Variants in IL10RB observed in about 807,000 individuals in gnomAD.
IL10RB encodes the protein interleukin-10 receptor subunit beta.
Under a neutral mutation model 38.7 loss-of-function variants are expected in IL10RB, and 30 were observed. That is an observed-to-expected ratio of 0.78 (90% CI 0.58 to 1.05). The LOEUF (loss-of-function observed/expected upper bound fraction) is 1.05, where lower values mean the gene tolerates loss of function less well. IL10RB is among the 50% of genes least tolerant of loss of function. The probability of loss-of-function intolerance (pLI) is 0.00; values close to 1 mark genes in which losing one functional copy is unlikely to be tolerated. For synonymous variants in IL10RB, 142 were observed against 145.9 expected, an observed-to-expected ratio of 0.97 and a Z score of 0.19; for missense variants, 328 against 397.1, an observed-to-expected ratio of 0.83 and a Z score of 1.48.
chr21:33,273,419 T>A (rs941682480), intron 2 of IL10RB, among the ~76,000 whole-genome samples: 1 of 152,238 alleles, frequency 6.6e-6, no homozygotes, highest in Admixed American at 6.5e-5. Context: ...AGCTTAATTT[T>A]AAAATATTTA....
intron 3 of IL10RB, among the ~76,000 whole-genome samples, chr21:33,278,245 G>A (rs1256064845): frequency 6.6e-6 from 1 of 151,810 alleles, no homozygotes; most frequent in Non-Finnish European, 1.5e-5. Flanking sequence ...CTCTATATGG[G>A]GAGTGGTCTT....
In IL10RB at chr21:33,266,457, C is replaced by T; in HGVS notation, c.-9C>T. 1 of 1,541,410 alleles carries T rather than the reference C, an allele frequency of 6.5e-7. No individual in the cohort carries two copies. The highest frequency in any genetic ancestry group is 8.7e-7 in the Non-Finnish European group (1 of 1,146,662). The stretch of plus-strand genomic sequence containing the variant: ...TTGGAGGAAGCCGCGGAACCCCCAG[C>T]GTCCGTCCATGGCGTGGAGCCTTGG... On this transcript the variant is annotated 5_prime_UTR_variant, in exon 1 of 7. Coordinates refer to ENST00000290200, the MANE Select transcript of IL10RB (RefSeq NM_000628.5).
intron 2 of IL10RB, 28 bp downstream of exon 2, chr21:33,268,545 A>C (rs1426866327): frequency 1.9e-6 from 3 of 1,539,022 alleles, no homozygotes; most frequent in Non-Finnish European, 2.7e-6. Flanking sequence ...ATTGGCAGGA[A>C]CGCACCGGAG....
intron 3 of IL10RB, among the ~76,000 whole-genome samples, chr21:33,279,051 T>C (rs1989232373): frequency 6.6e-6 from 1 of 152,204 alleles, no homozygotes; most frequent in Admixed American, 6.5e-5. Flanking sequence ...TAATCAGGAA[T>C]ACAGATAATA....
intron 6 of IL10RB, among the ~76,000 whole-genome samples, chr21:33,290,401 A>C (rs1014547287): frequency 1.3e-5 from 2 of 152,218 alleles, no homozygotes; most frequent in Admixed American, 6.5e-5. Flanking sequence ...ATCATTTAAA[A>C]ATCCGAAAGC....
At chr21:33,280,634 T>C (rs1180599681) in intron 4 of IL10RB, among the ~76,000 whole-genome samples, 1 of 152,192 alleles carries the variant, frequency 6.6e-6, no homozygotes, top group Non-Finnish European at 1.5e-5. Context: ...TATTCATCCT[T>C]GGTCAAGGTT....
intron 1 of IL10RB, among the ~76,000 whole-genome samples, chr21:33,305,673 G>C (rs1317353846): frequency 7.2e-5 from 11 of 152,106 alleles, no homozygotes; most frequent in Non-Finnish European, 1.6e-4. Context: ...CATTACCCTG[G>C]AGAGCACAGG....
At chr21:33,290,942 A>G (rs544940026) in intron 6 of IL10RB, among the ~76,000 whole-genome samples, 46 of 152,314 alleles carry the variant, frequency 3.0e-4, no homozygotes, top group Admixed American at 2.9e-3. Flanking sequence ...GACGTCCAAA[A>G]TCAAGGTGTC....
chr21:33,290,977 G>A (rs950968740), intron 6 of IL10RB, among the ~76,000 whole-genome samples: 8 of 152,202 alleles, frequency 5.3e-5, no homozygotes, highest in Admixed American at 5.2e-4. Flanking sequence ...CTTGGAGGCT[G>A]TGAGGGAGGA....
At chr21:33,279,548 A>G (rs1989241261) in intron 3 of IL10RB, among the ~76,000 whole-genome samples, 1 of 152,268 alleles carries the variant, frequency 6.6e-6, no homozygotes, top group South Asian at 2.1e-4. Context: ...ACTAAACTTC[A>G]TTAAGAAAGA....
chr21:33,283,347 A>G (rs1010708968), intron 5 of IL10RB, 106 bp downstream of exon 5: 56 of 1,183,868 alleles, frequency 4.7e-5, no homozygotes, highest in Non-Finnish European at 6.1e-5. Flanking sequence ...TCAGAAATCT[A>G]TCGCCCTGAC....
At position 33,288,197 on chromosome 21, in the gene IL10RB, G is replaced by T. The variant is rs1989412423; in HGVS notation, c.740G>T (p.Cys247Phe). 6.2e-7 allele frequency: 1 copy of T among 1,614,106 alleles called. No individual in the cohort carries two copies. ...CTCGGCTGCTTCGCCTTGCTGTGGT[G>T]CGTTTACAAGAAGACAAAGTACGCC... Reference protein sequence around the residue: ...ALLGCFALLWCVYKKTKYAFS... With the variant: ...ALLGCFALLWFVYKKTKYAFS... Residue 247 changes from cysteine (C) to phenylalanine (F), a missense_variant, in exon 6 of 7, where the codon TGC becomes TTC. Transcript: ENST00000290200.
At chr21:33,275,263 C>G (rs1376426163) in intron 2 of IL10RB, among the ~76,000 whole-genome samples, 1 of 146,996 alleles carries the variant, frequency 6.8e-6, no homozygotes, top group East Asian at 2.1e-4. Context: ...TCAAGTGATT[C>G]TCCTGCCTCA....
rs8178552 is a variant in IL10RB at position 33,292,939 on chromosome 21, C to A, written c.805-3245C>A. On this transcript the variant is annotated intron_variant, in intron 6 of 6. Transcript: ENST00000290200. ...GGGGCCCCTCCGTGCCAGCAGCCTC[C>A]TGTGTGGTTTGATAAACATATTGGA... Among the ~76,000 whole-genome samples the A allele has an allele frequency of 2.8e-3, 423 of 152,322 alleles. 4 individuals are homozygous for A. Among genetic ancestry groups the A allele is most frequent in the African/African-American group, 9.8e-3 (409 of 41,564 alleles).
intron 1 of IL10RB, among the ~76,000 whole-genome samples, chr21:33,266,942 C>A (rs1988963969): frequency 6.6e-6 from 1 of 152,226 alleles, no homozygotes; most frequent in Non-Finnish European, 1.5e-5. Flanking sequence ...CTCCCTGACC[C>A]CAAGTCTGCC....
At chr21:33,269,635 A>G (rs1315083517) in intron 2 of IL10RB, among the ~76,000 whole-genome samples, 2 of 151,686 alleles carry the variant, frequency 1.3e-5, no homozygotes, top group African/African-American at 4.8e-5. Context: ...CAAATAGCCT[A>G]CAATCAGATT....
chr21:33,291,951 AG>A (rs1866231062), intron 6 of IL10RB, among the ~76,000 whole-genome samples: 1 of 152,088 alleles, frequency 6.6e-6, no homozygotes, highest in African/African-American at 2.4e-5. Context: ...TGTGTTCATG[AG>A]CCCTGTGCCA....
chr21:33,268,271 C>T, intron 1 of IL10RB, 123 bp from the exon 2 acceptor site: 1 of 1,563,030 alleles, frequency 6.4e-7, no homozygotes, highest in Non-Finnish European at 8.7e-7. Flanking sequence ...CTCTCCCTCC[C>T]TCACCCACGT....
intron 1 of IL10RB, among the ~76,000 whole-genome samples, chr21:33,303,104 G>A (rs1237031709): frequency 6.6e-6 from 1 of 152,156 alleles, no homozygotes; most frequent in Non-Finnish European, 1.5e-5. Flanking sequence ...CAGGGAGTAG[G>A]GAAGGGGGAG....
Sources: allele counts gnomAD v4.1 joint callset (sites outside exome capture counted in the v4.1 genomes callset), GRCh38; gene constraint gnomAD v4.1.1; transcripts MANE v1.5; gene names NCBI Gene and HGNC (gene_info 2026-07-23, HGNC 2026-07-21).